The following RALGAPA2 variants were observed in gnomAD, a reference collection of about 807,000 sequenced individuals.
The protein encoded by RALGAPA2 is ral GTPase-activating protein subunit alpha-2.
Under a neutral mutation model 230.4 loss-of-function variants are expected in RALGAPA2, and 139 were observed. That is an observed-to-expected ratio of 0.60 (90% CI 0.53 to 0.69). The LOEUF (loss-of-function observed/expected upper bound fraction) is 0.69. Ranked by LOEUF, RALGAPA2 falls within the 30% of genes least tolerant of loss-of-function variation. The probability of loss-of-function intolerance (pLI) is 0.00; values close to 1 mark genes in which losing one functional copy is unlikely to be tolerated. For missense variants in RALGAPA2, 2,163 were observed against 2,276.0 expected (o/e 0.95, Z 1.01); for synonymous variants, 847 against 837.8 (o/e 1.01, Z -0.19).
intron 8 of RALGAPA2, among the ~76,000 whole-genome samples, chr20:20,636,899 G>A (rs554989598): frequency 6.6e-6 from 1 of 152,086 alleles, no homozygotes; most frequent in South Asian, 2.1e-4. Flanking sequence ...CTAAAATTTG[G>A]TTCTCCATAA....
chr20:20,582,195 T>G (rs946100084), intron 20 of RALGAPA2, among the ~76,000 whole-genome samples: 6 of 151,824 alleles, frequency 4.0e-5, no homozygotes, highest in Non-Finnish European at 7.4e-5. Context: ...TGTGTGTGTG[T>G]GTCTGTGTGT....
intron 36 of RALGAPA2, among the ~76,000 whole-genome samples, chr20:20,485,330 A>C (rs950364230): frequency 1.3e-5 from 2 of 152,268 alleles, no homozygotes; most frequent in African/African-American, 4.8e-5. Context: ...TGAGCATGGT[A>C]TATCTTTCTC....
intron 1 of RALGAPA2, among the ~76,000 whole-genome samples, chr20:20,687,271 A>G (rs2068738875): frequency 6.6e-6 from 1 of 152,268 alleles, no homozygotes. Flanking sequence ...CAGAAAATGC[A>G]GACAAGGATG....
chr20:20,577,315 A>G (rs2064851976), intron 20 of RALGAPA2, among the ~76,000 whole-genome samples: 1 of 152,174 alleles, frequency 6.6e-6, no homozygotes, highest in African/African-American at 2.4e-5. Context: ...ATAATAAGCT[A>G]TGCTTATTAA....
chr20:20,608,295 A>G (rs1038226273), intron 14 of RALGAPA2, among the ~76,000 whole-genome samples: 1 of 152,202 alleles, frequency 6.6e-6, no homozygotes, highest in Non-Finnish European at 1.5e-5. Flanking sequence ...AATGGCTCAT[A>G]TTACAAAGAG....
chr20:20,441,309 G>A (rs1197684528), intron 37 of RALGAPA2, among the ~76,000 whole-genome samples: 1 of 152,244 alleles, frequency 6.6e-6, no homozygotes, highest in African/African-American at 2.4e-5. Context: ...AAACAAGTGG[G>A]AAGTGGGACA....
chr20:20,639,644 C>CAT (rs757255284), intron 7 of RALGAPA2, 141 bp downstream of exon 7: 11 of 624,292 alleles, frequency 1.8e-5, no homozygotes, highest in Admixed American at 5.8e-5. Flanking sequence ...ACACACTCTG[C>CAT]ATTTGCTGAA....
chr20:20,448,354 T>C (rs1321347818), intron 37 of RALGAPA2, among the ~76,000 whole-genome samples: 1 of 152,208 alleles, frequency 6.6e-6, no homozygotes, highest in Non-Finnish European at 1.5e-5. Context: ...TGTCCGGTTG[T>C]TAAAAATCAG....
intron 38 of RALGAPA2, among the ~76,000 whole-genome samples, chr20:20,399,828 A>G (rs1029392628): frequency 2.0e-5 from 3 of 152,230 alleles, no homozygotes; most frequent in Non-Finnish European, 2.9e-5. Flanking sequence ...GCCTCTGAAG[A>G]AAGGCTGCCA....
chr20:20,643,659 G>A (rs2067114858), intron 4 of RALGAPA2, 110 bp from the exon 5 acceptor site: 2 of 1,029,156 alleles, frequency 1.9e-6, no homozygotes, highest in Non-Finnish European at 2.6e-6. Context: ...AAAATAAAAG[G>A]AAGAAGGCTG....
chr20:20,645,556 A>G (rs1482053606), intron 4 of RALGAPA2, among the ~76,000 whole-genome samples: 1 of 152,232 alleles, frequency 6.6e-6, no homozygotes, highest in Non-Finnish European at 1.5e-5. Context: ...CAATGGTCCC[A>G]AACTTTTTAA....
At chr20:20,537,619 C>G (rs1195305907) in intron 24 of RALGAPA2, among the ~76,000 whole-genome samples, 1 of 41,090 alleles carries the variant, frequency 2.4e-5, no homozygotes, top group East Asian at 6.3e-4. Context: ...GACTCCATCT[C>G]AAAAAAAAAA....
intron 18 of RALGAPA2, 105 bp from the exon 19 acceptor site, chr20:20,585,060 A>G (rs1156577853): frequency 1.7e-6 from 1 of 586,296 alleles, no homozygotes. Context: ...AAATAATAAT[A>G]ATAGCTAAAT....
chr20:20,633,996 T>C (rs2066772474), intron 9 of RALGAPA2, among the ~76,000 whole-genome samples: 1 of 152,200 alleles, frequency 6.6e-6, no homozygotes, highest in Non-Finnish European at 1.5e-5. Flanking sequence ...AGATGTTCAA[T>C]ACTAATCTCA....
chr20:20,598,755 G>A (rs1249243026), intron 16 of RALGAPA2: 8 of 456,302 alleles, frequency 1.8e-5, no homozygotes, highest in Non-Finnish European at 2.6e-5. Context: ...GGAGCGGGAC[G>A]CTTTTAGTGG....
intron 39 of RALGAPA2, among the ~76,000 whole-genome samples, chr20:20,394,252 C>T (rs2059659017): frequency 6.6e-6 from 1 of 152,092 alleles, no homozygotes. Context: ...CGTGCTTGGA[C>T]CTATGGAGGC....
chr20:20,599,030 G>A (rs1483525679), intron 16 of RALGAPA2, among the ~76,000 whole-genome samples: 1 of 152,078 alleles, frequency 6.6e-6, no homozygotes, highest in Non-Finnish European at 1.5e-5. Flanking sequence ...ACAGGACAAT[G>A]GGCAATCCAC....
intron 7 of RALGAPA2, 110 bp downstream of exon 7, chr20:20,639,675 A>T: frequency 1.3e-6 from 1 of 792,630 alleles, no homozygotes; most frequent in Non-Finnish European, 2.0e-6. Flanking sequence ...AAATCACCTC[A>T]AAGAAAAAGA....
chr20:20,451,470 T>C (rs779056849), intron 37 of RALGAPA2, among the ~76,000 whole-genome samples: 4 of 152,224 alleles, frequency 2.6e-5, no homozygotes, highest in African/African-American at 7.2e-5. Flanking sequence ...CAAATTCTGA[T>C]TGCAAAAGTG....
Sources: allele counts gnomAD v4.1 joint callset (sites outside exome capture counted in the v4.1 genomes callset), GRCh38; gene constraint gnomAD v4.1.1; transcripts MANE v1.5; gene names NCBI Gene and HGNC (gene_info 2026-07-23, HGNC 2026-07-21).